The following COL10A1 variants were observed in gnomAD, a reference collection of about 807,000 sequenced individuals.
COL10A1 encodes collagen type X alpha 1 chain, also known as collagen alpha-1(X) chain.
Under a neutral mutation model 18.2 loss-of-function variants are expected in COL10A1, and 10 were observed. The ratio of observed to expected loss-of-function variants is 0.55; its 90% CI spans 0.34 to 0.93. The LOEUF (loss-of-function observed/expected upper bound fraction) is 0.93. Among genes scored for constraint, COL10A1 ranks in the 40% least tolerant of loss-of-function variants. The pLI, the probability that COL10A1 is intolerant of heterozygous loss-of-function variation, is 0.02. For missense variants in COL10A1, 897 were observed against 853.5 expected (o/e 1.05, Z -0.64); for synonymous variants, 330 against 316.6 (o/e 1.04, Z -0.45).
the COL10A1 span, among the ~76,000 whole-genome samples, chr6:116,200,081 A>G: frequency 6.6e-6 from 1 of 151,902 alleles, no homozygotes; most frequent in Non-Finnish European, 1.5e-5. Flanking sequence ...ATCAACAGTG[A>G]CCCTTAATAG....
upstream of COL10A1, among the ~76,000 whole-genome samples, chr6:116,130,587 C>G (rs536715014): frequency 9.9e-5 from 15 of 152,086 alleles, no homozygotes; most frequent in Non-Finnish European, 1.9e-4. Flanking sequence ...TGTCTGGGTC[C>G]TAGGGATGCA....
the COL10A1 span, among the ~76,000 whole-genome samples, chr6:116,169,253 T>A: frequency 6.6e-6 from 1 of 152,236 alleles, no homozygotes; most frequent in Non-Finnish European, 1.5e-5. Flanking sequence ...AGGTATTTTT[T>A]AAAGTTTGTT....
At chr6:116,146,804 A>G (rs1779909142) in intron 1 of COL10A1, among the ~76,000 whole-genome samples, 3 of 151,988 alleles carry the variant, frequency 2.0e-5, no homozygotes, top group Admixed American at 6.6e-5. Context: ...ATTTCAGATC[A>G]GTGGAAGACA....
At chr6:116,174,071 G>A in the COL10A1 span, among the ~76,000 whole-genome samples, 1 of 152,118 alleles carries the variant, frequency 6.6e-6, no homozygotes, top group Non-Finnish European at 1.5e-5. Context: ...CTGCAGTTGT[G>A]GTTCACTTCA....
chr6:116,119,854 T>A lies in COL10A1; in HGVS notation c.*219A>T. 2 of 562,600 alleles carry A rather than the reference T, an allele frequency of 3.6e-6. No individual in the cohort carries two copies. Among genetic ancestry groups the A allele is most frequent in the Non-Finnish European group, 6.3e-6 (2 of 318,008 alleles). 34.9% of individuals were successfully genotyped at this position (562,600 alleles called of 1,614,324 possible). On this transcript the variant is annotated 3_prime_UTR_variant, in exon 3 of 3. Coordinates refer to ENST00000651968, the MANE Select transcript of COL10A1 (RefSeq NM_000493.4). ...TATTGGAGAAAACCTTAAAGAGCCT[T>A]AAGATTGCTAACTAGAAATTCAAGA...
intron 1 of COL10A1, among the ~76,000 whole-genome samples, chr6:116,151,750 A>G (rs1780045754): frequency 6.6e-6 from 1 of 152,212 alleles, no homozygotes; most frequent in Admixed American, 6.5e-5. Flanking sequence ...TTCTATAATA[A>G]ATACCAGCTT....
the COL10A1 span, among the ~76,000 whole-genome samples, chr6:116,183,848 G>A: frequency 6.6e-6 from 1 of 151,896 alleles, no homozygotes; most frequent in South Asian, 2.1e-4. Flanking sequence ...ATCAGCAGAA[G>A]CAACAGTTTG....
the COL10A1 span, among the ~76,000 whole-genome samples, chr6:116,165,379 C>T: frequency 6.6e-6 from 1 of 152,240 alleles, no homozygotes; most frequent in South Asian, 2.1e-4. Context: ...ATTTCTATAT[C>T]TCTAACAAGA....
chr6:116,159,469 A>C (rs947161391), upstream of COL10A1, among the ~76,000 whole-genome samples: 2 of 152,164 alleles, frequency 1.3e-5, no homozygotes, highest in African/African-American at 4.8e-5. Flanking sequence ...TGCATTATAG[A>C]ATGTCTTAAA....
At chr6:116,184,404 C>T in the COL10A1 span, among the ~76,000 whole-genome samples, 4 of 152,040 alleles carry the variant, frequency 2.6e-5, no homozygotes, top group Non-Finnish European at 4.4e-5. Flanking sequence ...TAGGGTGATA[C>T]TGGCTTCATA....
the COL10A1 span, among the ~76,000 whole-genome samples, chr6:116,189,865 C>G: frequency 6.6e-6 from 1 of 151,984 alleles, no homozygotes; most frequent in Non-Finnish European, 1.5e-5. Flanking sequence ...TCAGGGGAAG[C>G]ACATAATTCT....
At chr6:116,181,366 C>T in the COL10A1 span, among the ~76,000 whole-genome samples, 1 of 151,910 alleles carries the variant, frequency 6.6e-6, no homozygotes, top group Non-Finnish European at 1.5e-5. Context: ...GCAAAACTAA[C>T]ATTGGAATTA....
At chr6:116,167,657 T>A in the COL10A1 span, among the ~76,000 whole-genome samples, 3 of 152,330 alleles carry the variant, frequency 2.0e-5, no homozygotes, top group East Asian at 5.8e-4. Flanking sequence ...CTTCGTTAGT[T>A]TTTAATTTGT....
intron 1 of COL10A1, among the ~76,000 whole-genome samples, chr6:116,151,961 A>G (rs1304674448): frequency 6.6e-6 from 1 of 152,216 alleles, no homozygotes; most frequent in African/African-American, 2.4e-5. Context: ...ATTGATGCCA[A>G]CTTTATTGAA....
the COL10A1 span, among the ~76,000 whole-genome samples, chr6:116,169,046 A>AT: frequency 1.3e-5 from 2 of 152,156 alleles, no homozygotes; most frequent in East Asian, 1.9e-4. Context: ...ACTGGCCTCC[A>AT]TTTTTTGTCC....
In COL10A1 at chr6:116,119,741, T is replaced by C; in HGVS notation, c.*332A>G. 1 of 239,132 alleles carries C rather than the reference T, an allele frequency of 4.2e-6. No homozygotes were observed. The highest frequency in any genetic ancestry group is 8.1e-6 in the Non-Finnish European group (1 of 124,068). The allele number at this position is 239,132 out of a possible 1,614,324, so 14.8% of individuals were successfully genotyped here. ...ATTTCACATAACTTAGAGCTCTATT[T>C]CTGTTTTTTTTTTTAATTTTTTTTT... On this transcript the variant is annotated 3_prime_UTR_variant, in exon 3 of 3. Coordinates refer to ENST00000651968, the MANE Select transcript of COL10A1 (RefSeq NM_000493.4).
chr6:116,143,635 G>A (rs946839816), intron 1 of COL10A1, among the ~76,000 whole-genome samples: 1 of 152,120 alleles, frequency 6.6e-6, no homozygotes, highest in African/African-American at 2.4e-5. Flanking sequence ...GAATGAGAGT[G>A]TGCCATTTTT....
At chr6:116,185,914 G>A in the COL10A1 span, among the ~76,000 whole-genome samples, 1 of 151,950 alleles carries the variant, frequency 6.6e-6, no homozygotes, top group African/African-American at 2.4e-5. Context: ...CCTGCAAGTT[G>A]TTTCCTGAAA....
chr6:116,183,301 G>A, the COL10A1 span, among the ~76,000 whole-genome samples: 1 of 152,026 alleles, frequency 6.6e-6, no homozygotes, highest in African/African-American at 2.4e-5. Context: ...TCAAAGTTGG[G>A]TAATGTGATG....
Sources: gnomAD v4.1 joint callset for allele counts (sites outside exome capture counted in the v4.1 genomes callset) on GRCh38, gnomAD v4.1.1 for gene constraint, MANE v1.5 for transcripts, NCBI Gene and HGNC (gene_info 2026-07-23, HGNC 2026-07-21) for gene names.